The following FOXN3 variants were observed in gnomAD, a reference collection of about 807,000 sequenced individuals.
FOXN3 encodes the protein forkhead box protein N3.
In FOXN3, 7 loss-of-function variants were observed where a neutral mutation model predicts 38.4. That is an observed-to-expected ratio of 0.18 (90% CI 0.10 to 0.34). The LOEUF is 0.34. Ranked by LOEUF, FOXN3 falls within the 10% of genes least tolerant of loss-of-function variation. The pLI is 1.00. For missense variants in FOXN3, 456 were observed against 613.4 expected (o/e 0.74, Z 2.71); for synonymous variants, 230 against 242.2 (o/e 0.95, Z 0.47).
At chr14:89,455,615 C>CAGT (rs922991322) in intron 1 of FOXN3, among the ~76,000 whole-genome samples, 3 of 152,262 alleles carry the variant, frequency 2.0e-5, no homozygotes, top group Admixed American at 1.3e-4. Flanking sequence ...ACGTAGCAGG[C>CAGT]AGTCTCTTTG....
At chr14:89,165,018 T>G (rs896113539) in intron 5 of FOXN3, among the ~76,000 whole-genome samples, 1 of 152,128 alleles carries the variant, frequency 6.6e-6, no homozygotes, top group Non-Finnish European at 1.5e-5. Flanking sequence ...ACCAGCAAAA[T>G]GTATGAGGGT....
chr14:89,331,951 TTAA>T (rs1888259907), intron 3 of FOXN3, among the ~76,000 whole-genome samples: 1 of 152,220 alleles, frequency 6.6e-6, no homozygotes, highest in Non-Finnish European at 1.5e-5. Flanking sequence ...TGTGATTTTT[TTAA>T]TGTCTGTTTG....
intron 1 of FOXN3, among the ~76,000 whole-genome samples, chr14:89,553,744 T>G: frequency 6.6e-6 from 1 of 152,144 alleles, no homozygotes; most frequent in Non-Finnish European, 1.5e-5. Context: ...CAAGGATTAC[T>G]CAGATCTCAG....
chr14:89,555,012 A>T (rs569026427), intron 1 of FOXN3, among the ~76,000 whole-genome samples: 1 of 152,076 alleles, frequency 6.6e-6, no homozygotes, highest in East Asian at 1.9e-4. Flanking sequence ...GCTGGTCTCA[A>T]AGTCCTGACC....
Position 89,341,657 on chromosome 14 carries a change from T to C in FOXN3, c.680+9015A>G, listed in dbSNP as rs72701674. 4.8e-3 allele frequency among the ~76,000 whole-genome samples: 726 copies of C among 152,284 alleles called. 3 individuals carry two copies. Among genetic ancestry groups the C allele is most frequent in the Middle Eastern group, 0.014 (4 of 294 alleles). On this transcript the variant is annotated intron_variant, in intron 3 of 5. Transcript: ENST00000557258. The stretch of plus-strand genomic sequence containing the variant: ...GACCATCTTAGATGTGCTAACAGGT[T>C]TTTATTTTCTATTATTGATGAAAAA...
chr14:89,570,024 G>A (rs1404563790), intron 1 of FOXN3, among the ~76,000 whole-genome samples: 9 of 148,490 alleles, frequency 6.1e-5, no homozygotes, highest in Admixed American at 4.0e-4. Flanking sequence ...TTTTTGAGAC[G>A]GAGTCTCACT....
chr14:89,570,983 G>C (rs753738785), intron 1 of FOXN3, among the ~76,000 whole-genome samples: 9 of 152,102 alleles, frequency 5.9e-5, no homozygotes, highest in African/African-American at 9.7e-5. Flanking sequence ...TAACTATCCA[G>C]AATGACCTAG....
At chr14:89,483,977 G>C (rs1411203829) in intron 1 of FOXN3, among the ~76,000 whole-genome samples, 2 of 152,130 alleles carry the variant, frequency 1.3e-5, no homozygotes, top group African/African-American at 2.4e-5. Flanking sequence ...CAAAATGCAA[G>C]GTTTGTTTTA....
intron 2 of FOXN3, among the ~76,000 whole-genome samples, chr14:89,360,709 CCAG>C: frequency 6.9e-6 from 1 of 145,904 alleles, no homozygotes; most frequent in Non-Finnish European, 1.5e-5. Context: ...ACCACCACCT[CCAG>C]CACTACCTCC....
chr14:89,345,356 T>TAA (rs928359802), intron 3 of FOXN3, among the ~76,000 whole-genome samples: 1 of 140,360 alleles, frequency 7.1e-6, no homozygotes, highest in South Asian at 2.3e-4. Flanking sequence ...GAGACTGCTT[T>TAA]AAAAAAAAAA....
At chr14:89,524,424 A>C (rs1369370161) in intron 1 of FOXN3, among the ~76,000 whole-genome samples, 1 of 148,336 alleles carries the variant, frequency 6.7e-6, no homozygotes, top group Non-Finnish European at 1.5e-5. Context: ...AACTAGAAAA[A>C]GAACTGCAAA....
chr14:89,311,984 T>C (rs1596174416), intron 3 of FOXN3, among the ~76,000 whole-genome samples: 1 of 150,784 alleles, frequency 6.6e-6, no homozygotes, highest in Non-Finnish European at 1.5e-5. Flanking sequence ...CAAAGAACCA[T>C]CAAAAATGAG....
Position 89,196,230 on chromosome 14 carries a change from AAC to A in FOXN3, c.746-15426_746-15425del, listed in dbSNP as rs1249582955. On this transcript the variant is annotated intron_variant, in intron 4 of 5. Transcript: ENST00000557258. ...TTATGCTGCAGGGAGACAAACAGGT[AAC>A]ACAGTTTCCAGAATCAACGGTCCAG... Among the ~76,000 whole-genome samples, 9 of 152,350 alleles carry A rather than the reference AAC, an allele frequency of 5.9e-5. No individual in the cohort carries two copies. The East Asian group carries it at 1.5e-3, about 26-fold the overall frequency.
intron 3 of FOXN3, among the ~76,000 whole-genome samples, chr14:89,343,951 G>A (rs962617259): frequency 7.9e-5 from 12 of 152,028 alleles, no homozygotes; most frequent in African/African-American, 2.9e-4. Flanking sequence ...TGGTAGAGAT[G>A]GGGTTTCACC....
chr14:89,360,751 C>CACCACCACCTCCAGCACCACCACCTCCAG (rs1889484162), intron 2 of FOXN3, among the ~76,000 whole-genome samples: 1 of 85,888 alleles, frequency 1.2e-5, no homozygotes. Flanking sequence ...ACCACCTCCA[C>CACCACCACCTCCAGCACCACCACCTCCAG]CACCACCTCC....
chr14:89,354,828 C>A (rs572923833), intron 2 of FOXN3, among the ~76,000 whole-genome samples: 147 of 151,960 alleles, frequency 9.7e-4, no homozygotes, highest in African/African-American at 3.4e-3. Context: ...GCACTCCAGC[C>A]TGGGTGACAG....
At chr14:89,617,893 C>G (rs1219727732) in intron 1 of FOXN3, among the ~76,000 whole-genome samples, 1 of 152,186 alleles carries the variant, frequency 6.6e-6, no homozygotes, top group Admixed American at 6.5e-5. Context: ...AAGTCTCAAT[C>G]TAACTGACCA....
At chr14:89,459,102 C>A (rs1173969156) in intron 1 of FOXN3, among the ~76,000 whole-genome samples, 1 of 151,638 alleles carries the variant, frequency 6.6e-6, no homozygotes. Flanking sequence ...CACAGAGAAA[C>A]GTGCAGAGTG....
chr14:89,462,872 G>A (rs1892876376), intron 1 of FOXN3, among the ~76,000 whole-genome samples: 1 of 150,930 alleles, frequency 6.6e-6, no homozygotes, highest in Non-Finnish European at 1.5e-5. Flanking sequence ...TTTTAGTAGA[G>A]ACGGGGTTTC....
Sources: allele counts gnomAD v4.1 joint callset (sites outside exome capture counted in the v4.1 genomes callset), GRCh38; gene constraint gnomAD v4.1.1; transcripts MANE v1.5; gene names NCBI Gene and HGNC (gene_info 2026-07-23, HGNC 2026-07-21).